Variants in ZNF423 observed in about 807,000 individuals in gnomAD.
The protein encoded by ZNF423 is zinc finger protein 423.
Under a neutral mutation model 95.8 loss-of-function variants are expected in ZNF423, and 12 were observed. The observed-to-expected ratio is 0.13, with a 90% CI of 0.08 to 0.20. ZNF423 has a LOEUF of 0.20. Among genes scored for constraint, ZNF423 ranks in the 10% least tolerant of loss-of-function variants. The probability of loss-of-function intolerance (pLI) is 1.00; values close to 1 mark genes in which losing one functional copy is unlikely to be tolerated. For synonymous variants in ZNF423, 749 were observed against 711.9 expected (o/e 1.05, Z -0.83); for missense variants, 1,316 against 1,737.1 (o/e 0.76, Z 4.31).
chr16:49,496,904 G>A (rs1390147229), intron 7 of ZNF423, among the ~76,000 whole-genome samples: 1 of 152,190 alleles, frequency 6.6e-6, no homozygotes, highest in Non-Finnish European at 1.5e-5. Flanking sequence ...GGGCCTCATA[G>A]AGGTTTAATG....
chr16:49,519,474 T>A (rs1968296024), intron 7 of ZNF423, among the ~76,000 whole-genome samples: 1 of 152,328 alleles, frequency 6.6e-6, no homozygotes, highest in Admixed American at 6.5e-5. Context: ...GTGGGTGGCA[T>A]CAGGCTATGG....
intron 2 of ZNF423, among the ~76,000 whole-genome samples, chr16:49,740,386 G>A (rs2033390000): frequency 6.6e-6 from 1 of 152,172 alleles, no homozygotes; most frequent in African/African-American, 2.4e-5. Context: ...TGTGGCCAGG[G>A]CTGGGCAAAG....
At chr16:49,779,653 C>A (rs1351956531) in intron 2 of ZNF423, among the ~76,000 whole-genome samples, 2 of 152,150 alleles carry the variant, frequency 1.3e-5, no homozygotes, top group Non-Finnish European at 2.9e-5. Context: ...CCCACACACC[C>A]CAACCCACAG....
At chr16:49,555,116 T>C (rs1567464261) in intron 5 of ZNF423, among the ~76,000 whole-genome samples, 1 of 152,172 alleles carries the variant, frequency 6.6e-6, no homozygotes, top group Non-Finnish European at 1.5e-5. Context: ...TGGACACATA[T>C]TAAACACACC....
At chr16:49,615,572 G>T (rs901118425) in intron 5 of ZNF423, among the ~76,000 whole-genome samples, 1 of 152,158 alleles carries the variant, frequency 6.6e-6, no homozygotes, top group African/African-American at 2.4e-5. Context: ...GGGGGCAGAG[G>T]GCAGTCACAA....
intron 3 of ZNF423, among the ~76,000 whole-genome samples, chr16:49,646,636 T>A (rs942066027): frequency 2.7e-5 from 4 of 150,406 alleles, no homozygotes; most frequent in East Asian, 2.0e-4. Flanking sequence ...AGTGGCACGA[T>A]CTTGGCTTCC....
intron 3 of ZNF423, among the ~76,000 whole-genome samples, chr16:49,714,115 C>CA (rs2032630547): frequency 1.3e-5 from 2 of 152,372 alleles, no homozygotes; most frequent in South Asian, 4.1e-4. Context: ...ATCCCATCCC[C>CA]AGGAGCCGGA....
intron 3 of ZNF423, among the ~76,000 whole-genome samples, chr16:49,706,130 A>G (rs1461217916): frequency 6.6e-6 from 1 of 152,148 alleles, no homozygotes; most frequent in Non-Finnish European, 1.5e-5. Context: ...AGCCTGGAAA[A>G]TAGGGCCAGA....
intron 5 of ZNF423, among the ~76,000 whole-genome samples, chr16:49,604,439 T>C (rs557211618): frequency 6.6e-6 from 1 of 151,922 alleles, no homozygotes; most frequent in African/African-American, 2.4e-5. Flanking sequence ...CCCCATCTAG[T>C]TGGCCCACGG....
intron 3 of ZNF423, among the ~76,000 whole-genome samples, chr16:49,658,384 G>T (rs2030004951): frequency 6.6e-6 from 1 of 152,258 alleles, no homozygotes; most frequent in African/African-American, 2.4e-5. Context: ...CATTTTCAAG[G>T]ATGTGCTGGG....
intron 2 of ZNF423, among the ~76,000 whole-genome samples, chr16:49,783,380 G>C (rs2034247467): frequency 6.7e-6 from 1 of 149,858 alleles, no homozygotes; most frequent in South Asian, 2.2e-4. Context: ...GGCTGGGATG[G>C]GCGGGAAAGA....
Position 49,807,839 on chromosome 16 carries a change from G to T in ZNF423, c.41-18293C>A, listed in dbSNP as rs150614253. Among the ~76,000 whole-genome samples, 527 of 152,310 alleles carry T rather than the reference G, an allele frequency of 3.5e-3. 2 individuals carry two copies. Among genetic ancestry groups the T allele is most frequent in the African/African-American group, 0.011 (448 of 41,570 alleles). ...AGGGTCTGCCTGGGCACAGGCTCCA[G>T]AGCAGCAACTCAGCCTCTCCACTGT... On this transcript the variant is annotated intron_variant, in intron 1 of 7. Transcript: ENST00000563137.
chr16:49,627,706 T>A (rs1305063876), intron 4 of ZNF423, among the ~76,000 whole-genome samples: 1 of 147,676 alleles, frequency 6.8e-6, no homozygotes, highest in African/African-American at 2.5e-5. Context: ...CATCTACCCA[T>A]CCATCCATCC....
intron 5 of ZNF423, among the ~76,000 whole-genome samples, chr16:49,597,980 G>A (rs939628668): frequency 3.9e-5 from 6 of 152,004 alleles, no homozygotes; most frequent in South Asian, 2.1e-4. Flanking sequence ...CCCTCCCTAC[G>A]GCAGCCTCCT....
chr16:49,566,497 GGCT>G (rs1461552560), intron 5 of ZNF423, among the ~76,000 whole-genome samples: 1 of 152,148 alleles, frequency 6.6e-6, no homozygotes, highest in African/African-American at 2.4e-5. Context: ...AGAAAAGAAG[GGCT>G]GCAGGAGGCC....
intron 5 of ZNF423, among the ~76,000 whole-genome samples, chr16:49,580,715 T>C (rs1424252622): frequency 6.6e-6 from 1 of 152,192 alleles, no homozygotes; most frequent in Non-Finnish European, 1.5e-5. Context: ...AAGCAAATGT[T>C]ATACAATGCC....
At chr16:49,760,006 G>A (rs1567330574) in intron 2 of ZNF423, among the ~76,000 whole-genome samples, 1 of 139,412 alleles carries the variant, frequency 7.2e-6, no homozygotes, top group Non-Finnish European at 1.6e-5. Context: ...GTGAATGGAT[G>A]GGTAGATCAA....
chr16:49,855,156 C>A lies in ZNF423; in HGVS notation c.40+579G>T, dbSNP rs1156765218. ...GGCAGGGGCGGGAGGGGGCGCCAGGCGGCCGGGGCGAGGGCGCGGCGCCCG... is the reference window on the plus strand; with the variant it reads ...GGCAGGGGCGGGAGGGGGCGCCAGGAGGCCGGGGCGAGGGCGCGGCGCCCG... On this transcript the variant is annotated intron_variant, in intron 1 of 7. Coordinates refer to ENST00000563137, the MANE Select transcript of ZNF423 (RefSeq NM_001379286.1). This position sits in a 1 kb window ranked among gnomAD's most constrained non-coding sequence, Gnocchi z 4.7. Among the ~76,000 whole-genome samples the A allele has an allele frequency of 6.7e-6, 1 of 150,330 alleles. No individual in the cohort carries two copies. Among genetic ancestry groups the A allele is most frequent in the Non-Finnish European group, 1.5e-5 (1 of 67,332 alleles).
At position 49,855,174 on chromosome 16, in the gene ZNF423, G is replaced by GGCGCCCGGGGCGCTCGCCGACA. The variant is rs1238541200; in HGVS notation, c.40+539_40+560dup. 0.097 allele frequency among the ~76,000 whole-genome samples: 14,432 copies of GGCGCCCGGGGCGCTCGCCGACA among 148,408 alleles called. 965 individuals carry two copies. Among genetic ancestry groups the GGCGCCCGGGGCGCTCGCCGACA allele is most frequent in the Admixed American group, 0.18 (2,649 of 14,890 alleles). On this transcript the variant is annotated intron_variant, in intron 1 of 7. Transcript: ENST00000563137. This position sits in a 1 kb window ranked among gnomAD's most constrained non-coding sequence, Gnocchi z 4.7. ...CGCCAGGCGGCCGGGGCGAGGGCGCGGCGCCCGGGGCGCTCGCCGACAGCG... is the reference window on the plus strand; with the variant it reads ...CGCCAGGCGGCCGGGGCGAGGGCGCGGCGCCCGGGGCGCTCGCCGACAGCGCCCGGGGCGCTCGCCGACAGCG...
Sources: gnomAD v4.1 joint callset for allele counts (sites outside exome capture counted in the v4.1 genomes callset) on GRCh38, gnomAD v4.1.1 for gene constraint, Gnocchi (gnomAD v3.1) non-coding constraint, MANE v1.5 for transcripts, NCBI Gene and HGNC (gene_info 2026-07-23, HGNC 2026-07-21) for gene names.